GRK5: variants seen among roughly 807,000 people sequenced by gnomAD.
GRK5 encodes the protein G protein-coupled receptor kinase 5.
A neutral mutation model predicts 78.4 loss-of-function variants in GRK5; 40 were observed. That is an observed-to-expected ratio of 0.51 (90% CI 0.40 to 0.66). The LOEUF (loss-of-function observed/expected upper bound fraction) is 0.66, where lower values mean the gene tolerates loss of function less well. Among genes scored for constraint, GRK5 ranks in the 30% least tolerant of loss-of-function variants. The pLI, the probability that GRK5 is intolerant of heterozygous loss-of-function variation, is 0.00. For synonymous variants in GRK5, 289 were observed against 296.8 expected, an observed-to-expected ratio of 0.97 and a Z score of 0.27; for missense variants, 598 against 759.9, an observed-to-expected ratio of 0.79 and a Z score of 2.50.
At chr10:119,399,983 C>T (rs1442721874) in intron 4 of GRK5, among the ~76,000 whole-genome samples, 1 of 152,246 alleles carries the variant, frequency 6.6e-6, no homozygotes, top group East Asian at 1.9e-4. Context: ...CTGTCTTTCT[C>T]GCTTCTGTAT....
chr10:119,244,649 A>G (rs1052611081), intron 1 of GRK5, among the ~76,000 whole-genome samples: 1 of 152,296 alleles, frequency 6.6e-6, no homozygotes, highest in East Asian at 1.9e-4. Context: ...TGGGAGGATC[A>G]TTTGGACCCA....
rs1849237543 is a variant in GRK5 at position 119,253,688 on chromosome 10, C to G, written c.52+45719C>G. 6.6e-6 allele frequency among the ~76,000 whole-genome samples: 1 copy of G among 152,134 alleles called. No individual in the cohort carries two copies. Among genetic ancestry groups the G allele is most frequent in the Non-Finnish European group, 1.5e-5 (1 of 68,034 alleles). On this transcript the variant is annotated intron_variant, in intron 1 of 15. Coordinates refer to ENST00000392870, the MANE Select transcript of GRK5 (RefSeq NM_005308.3). This position sits in a 1 kb window ranked among gnomAD's most constrained non-coding sequence, Gnocchi z 5.7. ...TGGCTCTGGGCAGCCCAGCCCAGCTCCGGGGTGGATGCAAGGCCTGAGAGT... is the reference window on the plus strand; with the variant it reads ...TGGCTCTGGGCAGCCCAGCCCAGCTGCGGGGTGGATGCAAGGCCTGAGAGT...
intron 1 of GRK5, among the ~76,000 whole-genome samples, chr10:119,304,421 A>G (rs1850238815): frequency 6.6e-6 from 1 of 150,714 alleles, no homozygotes; most frequent in South Asian, 2.1e-4. Flanking sequence ...CCTCCTGAGT[A>G]GCTGGGATTA....
At chr10:119,301,333 C>A (rs1185168329) in intron 1 of GRK5, among the ~76,000 whole-genome samples, 1 of 152,184 alleles carries the variant, frequency 6.6e-6, no homozygotes, top group Non-Finnish European at 1.5e-5. Flanking sequence ...AGCCTTGGCC[C>A]TTTTGAGGCT....
intron 1 of GRK5, among the ~76,000 whole-genome samples, chr10:119,224,019 G>A (rs149510893): frequency 1.3e-5 from 2 of 152,134 alleles, no homozygotes; most frequent in African/African-American, 2.4e-5. Context: ...CCCCAAGTCC[G>A]GCACGGTGGC....
intron 4 of GRK5, among the ~76,000 whole-genome samples, chr10:119,407,608 C>T (rs1031119759): frequency 1.3e-5 from 2 of 152,190 alleles, no homozygotes; most frequent in South Asian, 2.1e-4. Flanking sequence ...CTACTGTATG[C>T]GACATGCTTT....
Position 119,456,692 on chromosome 10 carries a change from G to A in GRK5, c.*1625G>A, listed in dbSNP as rs548035750. 1 of 152,360 alleles carries A rather than the reference G, an allele frequency of 6.6e-6. No homozygotes were observed. The highest frequency in any genetic ancestry group is 6.5e-5 in the Admixed American group (1 of 15,308). 9.4% of individuals were successfully genotyped at this position (152,360 alleles called of 1,614,324 possible). ...GGTTCCACCCCAAACCACAGAATGG[G>A]AATGCCTGGGAGCCCACCCCTGCTG... On this transcript the variant is annotated 3_prime_UTR_variant, in exon 16 of 16. Coordinates refer to ENST00000392870, the MANE Select transcript of GRK5 (RefSeq NM_005308.3). The surrounding 1 kb of genome is among the most constrained non-coding windows in gnomAD (Gnocchi z 5.5).
In GRK5 at chr10:119,455,594, T is replaced by C. The variant is rs995191320; in HGVS notation, c.*527T>C. The C allele has an allele frequency of 3.4e-6, 1 of 297,030 alleles. No homozygotes were observed. The highest frequency in any genetic ancestry group is 6.4e-6 in the Non-Finnish European group (1 of 155,600). 18.4% of individuals were successfully genotyped at this position (297,030 alleles called of 1,614,324 possible). Reference sequence around the variant, plus strand: ...CAGAGCCTCAAATGAGAAAATGTCTTTATTAAATGTAGAAAGTGATCCATA... The same window carrying C: ...CAGAGCCTCAAATGAGAAAATGTCTCTATTAAATGTAGAAAGTGATCCATA... On this transcript the variant is annotated 3_prime_UTR_variant, in exon 16 of 16. Coordinates refer to ENST00000392870, the MANE Select transcript of GRK5 (RefSeq NM_005308.3).
chr10:119,278,606 T>A (rs1017368542), intron 1 of GRK5, among the ~76,000 whole-genome samples: 1 of 152,030 alleles, frequency 6.6e-6, no homozygotes, highest in African/African-American at 2.4e-5. Flanking sequence ...TCTGAGCACG[T>A]CTCTTTCCTC....
rs1232297123 is a variant in GRK5 at position 119,431,409 on chromosome 10, C to G, written c.620C>G (p.Ala207Gly). ...FGEVCACQVR[A>G]TGKMYACKRL... Reference sequence around the variant, plus strand: ...CAGGTCTGTGCCTGCCAGGTTCGGGCCACGGGTAAAATGTATGCCTGCAAG... The same window carrying G: ...CAGGTCTGTGCCTGCCAGGTTCGGGGCACGGGTAAAATGTATGCCTGCAAG... The change falls in exon 8 of 16, where the codon GCC becomes GGC. Residue 207 changes from alanine (A) to glycine (G), a missense_variant. Coordinates refer to ENST00000392870, the MANE Select transcript of GRK5 (RefSeq NM_005308.3). The surrounding 1 kb of genome is among the most constrained non-coding windows in gnomAD (Gnocchi z 4.8). The G allele has an allele frequency of 6.2e-7, 1 of 1,613,720 alleles. No homozygotes were observed. The highest frequency in any genetic ancestry group is 8.5e-7 in the Non-Finnish European group (1 of 1,179,800).
chr10:119,328,329 G>C (rs1458786248), intron 2 of GRK5, among the ~76,000 whole-genome samples: 2 of 152,156 alleles, frequency 1.3e-5, no homozygotes, highest in Non-Finnish European at 1.5e-5. Context: ...CTTCAGAGAG[G>C]GGAGCCAGGG....
intron 1 of GRK5, among the ~76,000 whole-genome samples, chr10:119,320,666 G>A (rs1850569084): frequency 6.6e-6 from 1 of 152,224 alleles, no homozygotes; most frequent in Non-Finnish European, 1.5e-5. Context: ...GGTGCTCCTG[G>A]CAGAATGAAC....
intron 4 of GRK5, among the ~76,000 whole-genome samples, chr10:119,401,479 G>C (rs74479829): frequency 0.026 from 3,912 of 152,304 alleles, 74 homozygotes; most frequent in Middle Eastern, 0.048. Flanking sequence ...GTGCTGAGAA[G>C]GACGTGAGCT....
At chr10:119,376,094 G>A (rs1282670356) in intron 2 of GRK5, among the ~76,000 whole-genome samples, 1 of 152,176 alleles carries the variant, frequency 6.6e-6, no homozygotes, top group East Asian at 1.9e-4. Context: ...AGTCCAGCTT[G>A]CCTTCCCAGT....
At chr10:119,228,682 A>G (rs539710696) in intron 1 of GRK5, among the ~76,000 whole-genome samples, 5 of 152,320 alleles carry the variant, frequency 3.3e-5, no homozygotes, top group East Asian at 3.9e-4. Flanking sequence ...AGACGATCAT[A>G]ACATAGTGAG....
intron 1 of GRK5, among the ~76,000 whole-genome samples, chr10:119,241,383 A>C (rs1849023077): frequency 6.6e-6 from 1 of 152,232 alleles, no homozygotes; most frequent in South Asian, 2.1e-4. Flanking sequence ...CTCTCTTCCC[A>C]GCCCTGTCAG....
At chr10:119,395,920 G>T (rs1056637695) in intron 3 of GRK5, among the ~76,000 whole-genome samples, 1 of 152,156 alleles carries the variant, frequency 6.6e-6, no homozygotes, top group African/African-American at 2.4e-5. Flanking sequence ...GAGGGGTTGG[G>T]ATGGCAGCCC....
At chr10:119,240,189 C>CTTTTTTT (rs55905745) in intron 1 of GRK5, among the ~76,000 whole-genome samples, 1 of 70,098 alleles carries the variant, frequency 1.4e-5, no homozygotes, top group African/African-American at 6.2e-5. Flanking sequence ...TGTTTCCCGA[C>CTTTTTTT]TTTTTTTTTT....
chr10:119,241,315 G>A (rs1011232465), intron 1 of GRK5, among the ~76,000 whole-genome samples: 1 of 152,184 alleles, frequency 6.6e-6, no homozygotes, highest in East Asian at 1.9e-4. Context: ...GGCAAAAGGG[G>A]AAAGTGACCC....
Sources: gnomAD v4.1 joint callset for allele counts (sites outside exome capture counted in the v4.1 genomes callset) on GRCh38, gnomAD v4.1.1 for gene constraint, Gnocchi (gnomAD v3.1) non-coding constraint, MANE v1.5 for transcripts, NCBI Gene and HGNC (gene_info 2026-07-23, HGNC 2026-07-21) for gene names.